CSRNP3: variants seen among roughly 807,000 people sequenced by gnomAD.
The protein encoded by CSRNP3 is cysteine/serine-rich nuclear protein 3.
A neutral mutation model predicts 48.0 loss-of-function variants in CSRNP3; 12 were observed. That is an observed-to-expected ratio of 0.25 (90% CI 0.16 to 0.41). The LOEUF (loss-of-function observed/expected upper bound fraction) is 0.41, where lower values mean the gene tolerates loss of function less well. CSRNP3 is among the 10% of genes least tolerant of loss of function. The pLI is 1.00. For missense variants in CSRNP3, 580 were observed against 724.4 expected (o/e 0.80, Z 2.29); for synonymous variants, 263 against 269.7 (o/e 0.98, Z 0.24).
At chr2:165,653,730 G>A (rs936917128) in intron 4 of CSRNP3, among the ~76,000 whole-genome samples, 2 of 151,922 alleles carry the variant, frequency 1.3e-5, no homozygotes, top group African/African-American at 4.8e-5. Flanking sequence ...CCAGAACTTT[G>A]GGAGGCCGAG....
intron 1 of CSRNP3, among the ~76,000 whole-genome samples, chr2:165,483,736 T>C (rs1178982218): frequency 1.3e-5 from 2 of 152,138 alleles, no homozygotes; most frequent in Admixed American, 6.5e-5. Context: ...TAGACAGCCA[T>C]GTTTTTGCTG....
chr2:165,499,766 A>G (rs1684331237), intron 2 of CSRNP3, among the ~76,000 whole-genome samples: 1 of 152,130 alleles, frequency 6.6e-6, no homozygotes, highest in Non-Finnish European at 1.5e-5. Context: ...TCAACCAAAA[A>G]CCAGCACATA....
intron 2 of CSRNP3, among the ~76,000 whole-genome samples, chr2:165,504,951 A>G (rs1039706302): frequency 6.6e-6 from 1 of 152,150 alleles, no homozygotes; most frequent in Non-Finnish European, 1.5e-5. Context: ...TGAGAAGTTC[A>G]GACTAATAGA....
chr2:165,512,730 A>T (rs959301761), intron 2 of CSRNP3, among the ~76,000 whole-genome samples: 20 of 152,256 alleles, frequency 1.3e-4, no homozygotes, highest in South Asian at 2.1e-4. Flanking sequence ...ATGTGAAGGC[A>T]CAAAATTGGA....
At chr2:165,497,466 G>A (rs1397822068) in intron 2 of CSRNP3, among the ~76,000 whole-genome samples, 1 of 151,634 alleles carries the variant, frequency 6.6e-6, no homozygotes, top group African/African-American at 2.4e-5. Context: ...ACCTACGGGA[G>A]ACTATCTATC....
At chr2:165,480,260 C>A (rs889413859) in intron 1 of CSRNP3, among the ~76,000 whole-genome samples, 1 of 152,292 alleles carries the variant, frequency 6.6e-6, no homozygotes. Flanking sequence ...CAAGCCCACC[C>A]GCATAATCTC....
rs147650516 is a variant in CSRNP3 at position 165,485,953 on chromosome 2, G to A, written c.-282-8806G>A. ...AAAGCTAGGAGGAGCCAAGATGGCC[G>A]AATAGGAACAGCTCTGGTCTACAGC... On this transcript the variant is annotated intron_variant, in intron 1 of 6. Transcript: ENST00000651982. 4.8e-3 allele frequency among the ~76,000 whole-genome samples: 731 copies of A among 152,290 alleles called. 4 individuals are homozygous for A. The highest frequency in any genetic ancestry group is 0.016 in the African/African-American group (674 of 41,572).
chr2:165,688,556 T>C lies in CSRNP3; in HGVS notation c.*8803T>C, dbSNP rs887617866. ...ACATATGTCACTTTTTGCAGTGTCT[T>C]CATCTTGATCATAGTTTTAGACATC... On this transcript the variant is annotated 3_prime_UTR_variant, in exon 7 of 7. Transcript: ENST00000651982. 1.3e-5 allele frequency: 2 copies of C among 152,186 alleles called. No individual in the cohort carries two copies. Among genetic ancestry groups the C allele is most frequent in the Non-Finnish European group, 2.9e-5 (2 of 68,032 alleles). 9.4% of individuals were successfully genotyped at this position (152,186 alleles called of 1,614,324 possible).
intron 5 of CSRNP3, among the ~76,000 whole-genome samples, chr2:165,674,681 A>AATATATATATATATATATATATATAT (rs59117817): frequency 9.7e-6 from 1 of 103,200 alleles, no homozygotes; most frequent in African/African-American, 4.7e-5. Context: ...AATACTTCTG[A>AATATATATATATATATATATATATAT]ATATATATAT....
chr2:165,579,523 C>T (rs1047165734), intron 3 of CSRNP3, among the ~76,000 whole-genome samples: 1 of 152,162 alleles, frequency 6.6e-6, no homozygotes, highest in Admixed American at 6.5e-5. Flanking sequence ...TCTGCTCCAT[C>T]CAGAGTTTCT....
chr2:165,591,237 T>A (rs1685712510), intron 3 of CSRNP3, among the ~76,000 whole-genome samples: 2 of 152,178 alleles, frequency 1.3e-5, no homozygotes, highest in Admixed American at 6.5e-5. Context: ...CAGCATTTTG[T>A]CACTGCCCCA....
At chr2:165,534,200 A>G (rs1684852742) in intron 3 of CSRNP3, among the ~76,000 whole-genome samples, 2 of 152,152 alleles carry the variant, frequency 1.3e-5, no homozygotes, top group South Asian at 4.1e-4. Context: ...CAACCTGAGA[A>G]CTGAAATATG....
intron 5 of CSRNP3, among the ~76,000 whole-genome samples, chr2:165,666,922 A>G (rs868317118): frequency 8.4e-6 from 1 of 119,448 alleles, no homozygotes; most frequent in African/African-American, 3.0e-5. Context: ...GAAGGAAGGG[A>G]GGAAAGAGAG....
chr2:165,568,068 A>T (rs1344458788), intron 3 of CSRNP3, among the ~76,000 whole-genome samples: 1 of 152,078 alleles, frequency 6.6e-6, no homozygotes, highest in East Asian at 1.9e-4. Context: ...GTTTATCTAA[A>T]CAATTTTAAA....
chr2:165,660,479 G>A (rs1292918381), intron 5 of CSRNP3, among the ~76,000 whole-genome samples: 1 of 152,138 alleles, frequency 6.6e-6, no homozygotes, highest in Non-Finnish European at 1.5e-5. Flanking sequence ...CCTCTCTGGG[G>A]TCTGGTACTG....
intron 4 of CSRNP3, among the ~76,000 whole-genome samples, chr2:165,640,083 A>G (rs1225793908): frequency 4.6e-5 from 7 of 152,212 alleles, no homozygotes; most frequent in Non-Finnish European, 1.0e-4. Flanking sequence ...GTTCATACAT[A>G]TTGATTCTCT....
intron 3 of CSRNP3, among the ~76,000 whole-genome samples, chr2:165,529,156 C>A (rs1466409478): frequency 6.6e-6 from 1 of 152,198 alleles, no homozygotes; most frequent in South Asian, 2.1e-4. Flanking sequence ...TATTGCCTCA[C>A]ACCAGTCAGA....
At chr2:165,641,943 T>C (rs1204960304) in intron 4 of CSRNP3, among the ~76,000 whole-genome samples, 2 of 152,144 alleles carry the variant, frequency 1.3e-5, no homozygotes, top group Non-Finnish European at 2.9e-5. Flanking sequence ...TCTTTATACC[T>C]TCCTTTTTAC....
intron 4 of CSRNP3, among the ~76,000 whole-genome samples, chr2:165,601,859 T>C (rs1284323444): frequency 6.6e-6 from 1 of 152,202 alleles, no homozygotes. Flanking sequence ...TTATTAGAAG[T>C]ATGACTGGAA....
Sources: gnomAD v4.1 joint callset for allele counts (sites outside exome capture counted in the v4.1 genomes callset) on GRCh38, gnomAD v4.1.1 for gene constraint, MANE v1.5 for transcripts, NCBI Gene and HGNC (gene_info 2026-07-23, HGNC 2026-07-21) for gene names.